Variants in ELP4 observed in about 807,000 individuals in gnomAD.
ELP4 encodes the protein elongator complex protein 4.
Under a neutral mutation model 48.9 loss-of-function variants are expected in ELP4, and 51 were observed. The ratio of observed to expected loss-of-function variants is 1.04; its 90% CI spans 0.83 to 1.32. ELP4 has a LOEUF of 1.32. Ranked by LOEUF, ELP4 falls within the 40% of genes most tolerant of loss-of-function variation. The probability of loss-of-function intolerance (pLI) is 0.00; values close to 1 mark genes in which losing one functional copy is unlikely to be tolerated. For synonymous variants in ELP4, 210 were observed against 189.2 expected (o/e 1.11, Z -0.90); for missense variants, 519 against 514.6 (o/e 1.01, Z -0.08).
intron 3 of ELP4, among the ~76,000 whole-genome samples, chr11:31,549,643 A>C (rs1286446165): frequency 6.6e-6 from 1 of 152,206 alleles, no homozygotes; most frequent in South Asian, 2.1e-4. Flanking sequence ...CTGGGTATAT[A>C]CCCAAAGGAC....
chr11:31,552,624 A>T (rs1170890325), intron 3 of ELP4, among the ~76,000 whole-genome samples: 1 of 152,142 alleles, frequency 6.6e-6, no homozygotes, highest in Admixed American at 6.6e-5. Context: ...TATCTCAGGA[A>T]ATACAAATAT....
chr11:31,719,410 T>C (rs1415868139), intron 9 of ELP4: 3 of 397,444 alleles, frequency 7.5e-6, no homozygotes, highest in East Asian at 7.2e-5. Flanking sequence ...TGGCTCAGAT[T>C]TGAAGTTGAG....
rs375677127 is a variant in ELP4 at position 31,632,193 on chromosome 11, T to C, written c.739-24T>C. ...ATTGATTAACAAAACTTTATATGTT[T>C]GCTTTTTTCCCACTTTCTTTTAGAA... On this transcript the variant is annotated intron_variant, in intron 6 of 9. Coordinates refer to ENST00000640961, the MANE Select transcript of ELP4 (RefSeq NM_019040.5). 8 of 1,582,194 alleles carry C rather than the reference T, an allele frequency of 5.1e-6. No individual in the cohort carries two copies. In the African/African-American group the frequency reaches 1.1e-4, roughly 22 times the overall value.
At chr11:31,728,944 G>A (rs1401642719) in intron 9 of ELP4, among the ~76,000 whole-genome samples, 3 of 152,056 alleles carry the variant, frequency 2.0e-5, no homozygotes, top group Non-Finnish European at 4.4e-5. Flanking sequence ...GGCATATTGA[G>A]CTTTCTATTT....
intron 1 of ELP4, chr11:31,512,586 A>G (rs1319194704): frequency 6.6e-6 from 1 of 152,202 alleles, no homozygotes; most frequent in Non-Finnish European, 1.5e-5. Context: ...AAATTCCCAG[A>G]TTATCTAACC....
intron 9 of ELP4, among the ~76,000 whole-genome samples, chr11:31,660,652 T>G (rs1028085489): frequency 6.8e-6 from 1 of 147,032 alleles, no homozygotes; most frequent in African/African-American, 2.6e-5. Flanking sequence ...ATGTACTTGT[T>G]TTTTTTTAAC....
At chr11:31,599,522 C>CACACAA (rs1350916176) in intron 4 of ELP4, 11 of 126,618 alleles carry the variant, frequency 8.7e-5, no homozygotes, top group African/African-American at 4.0e-4. Context: ...CACACACACA[C>CACACAA]AAAAAAAAAA....
chr11:31,548,539 T>C (rs1362293764), intron 3 of ELP4, among the ~76,000 whole-genome samples: 2 of 152,120 alleles, frequency 1.3e-5, no homozygotes, highest in Middle Eastern at 3.4e-3. Flanking sequence ...AGAATCAATA[T>C]CGTGAAAATG....
chr11:31,691,291 G>A (rs969306638), intron 9 of ELP4, among the ~76,000 whole-genome samples: 5 of 151,880 alleles, frequency 3.3e-5, no homozygotes, highest in South Asian at 4.2e-4. Flanking sequence ...ATCTGTTAAC[G>A]GACACATTAC....
chr11:31,562,571 A>C (rs1202110649), intron 3 of ELP4, among the ~76,000 whole-genome samples: 1 of 152,174 alleles, frequency 6.6e-6, no homozygotes, highest in Non-Finnish European at 1.5e-5. Flanking sequence ...TCAATACCTT[A>C]ACTTATAAAT....
chr11:31,521,708 C>T (rs954276170), intron 2 of ELP4, among the ~76,000 whole-genome samples: 5 of 152,106 alleles, frequency 3.3e-5, no homozygotes, highest in Non-Finnish European at 7.4e-5. Flanking sequence ...ATCAGCATTT[C>T]TCCATTCCAG....
chr11:31,729,522 A>T (rs1340672799), intron 9 of ELP4, among the ~76,000 whole-genome samples: 2 of 152,198 alleles, frequency 1.3e-5, no homozygotes, highest in Non-Finnish European at 2.9e-5. Flanking sequence ...TTCAGATCTC[A>T]AAAAAACATT....
intron 4 of ELP4, 121 bp from the exon 5 acceptor site, chr11:31,603,647 A>G (rs1592151463): frequency 1.1e-6 from 1 of 949,624 alleles, no homozygotes; most frequent in South Asian, 1.8e-5. Context: ...GTGTATGTAT[A>G]TCCGTTCTTC....
intron 9 of ELP4, chr11:31,653,126 T>C (rs1208898797): frequency 6.6e-6 from 1 of 151,694 alleles, no homozygotes; most frequent in East Asian, 1.9e-4. Context: ...AAAATATTTA[T>C]CTAATCAGAG....
intron 9 of ELP4, among the ~76,000 whole-genome samples, chr11:31,754,235 A>G (rs1378130695): frequency 6.6e-6 from 1 of 152,140 alleles, no homozygotes; most frequent in East Asian, 1.9e-4. Context: ...GTAATCCTTT[A>G]TCATGAAGTA....
At chr11:31,725,753 T>C (rs16922452) in intron 9 of ELP4, among the ~76,000 whole-genome samples, 3,218 of 152,304 alleles carry the variant, frequency 0.021, 109 homozygotes, top group African/African-American at 0.073. Context: ...GCTGTGGTAG[T>C]GGGTATACCT....
chr11:31,702,094 G>C (rs1169487172), intron 9 of ELP4, among the ~76,000 whole-genome samples: 2 of 152,034 alleles, frequency 1.3e-5, no homozygotes, highest in Admixed American at 1.3e-4. Flanking sequence ...GTTTACACAT[G>C]TTGAGATGGA....
chr11:31,516,255 C>T (rs1314545048), intron 1 of ELP4, among the ~76,000 whole-genome samples: 1 of 152,160 alleles, frequency 6.6e-6, no homozygotes, highest in Non-Finnish European at 1.5e-5. Flanking sequence ...AAGTAAGAAA[C>T]TTTTTAATAG....
chr11:31,683,801 T>C (rs891735471), intron 9 of ELP4, among the ~76,000 whole-genome samples: 1 of 151,910 alleles, frequency 6.6e-6, no homozygotes, highest in African/African-American at 2.4e-5. Flanking sequence ...TAGCTAGATA[T>C]AAATGTCAAA....
Sources: gnomAD v4.1 joint callset for allele counts (sites outside exome capture counted in the v4.1 genomes callset) on GRCh38, gnomAD v4.1.1 for gene constraint, MANE v1.5 for transcripts, NCBI Gene and HGNC (gene_info 2026-07-23, HGNC 2026-07-21) for gene names.